The following PAX3 variants were observed in gnomAD, a reference collection of about 807,000 sequenced individuals.
PAX3 encodes paired box 3, also known as paired box protein Pax-3.
Under a neutral mutation model 51.6 loss-of-function variants are expected in PAX3, and 14 were observed. That is an observed-to-expected ratio of 0.27 (90% confidence interval 0.18 to 0.42). The LOEUF (loss-of-function observed/expected upper bound fraction) is 0.42. Among genes scored for constraint, PAX3 ranks in the 10% least tolerant of loss-of-function variants. The probability of loss-of-function intolerance (pLI) is 1.00; values close to 1 mark genes in which losing one functional copy is unlikely to be tolerated. For synonymous variants in PAX3, 280 were observed against 253.4 expected (o/e 1.11, Z -1.00); for missense variants, 540 against 642.8 (o/e 0.84, Z 1.73).
At chr2:222,225,442 T>G (rs778595444) in intron 5 of PAX3, among the ~76,000 whole-genome samples, 5 of 152,102 alleles carry the variant, frequency 3.3e-5, no homozygotes, top group African/African-American at 1.2e-4. Context: ...GAAAAGAAAT[T>G]TTCATACTTT....
At chr2:222,210,967 A>G (rs1408477575) in intron 7 of PAX3, among the ~76,000 whole-genome samples, 1 of 152,142 alleles carries the variant, frequency 6.6e-6, no homozygotes, top group Non-Finnish European at 1.5e-5. Context: ...CCTGGGCTTA[A>G]GCTGTCCTCT....
chr2:222,212,644 C>T (rs1691788515), intron 7 of PAX3, among the ~76,000 whole-genome samples: 1 of 151,886 alleles, frequency 6.6e-6, no homozygotes. Flanking sequence ...CACACACACA[C>T]ACACACACAC....
chr2:222,295,448 G>T, intron 3 of PAX3, 80 bp downstream of exon 3: 1 of 1,506,134 alleles, frequency 6.6e-7, no homozygotes, highest in Non-Finnish European at 9.2e-7. Flanking sequence ...CGATAATTGG[G>T]GTGATTACGT....
intron 4 of PAX3, among the ~76,000 whole-genome samples, chr2:222,251,999 A>G (rs1693452634): frequency 6.6e-6 from 1 of 152,220 alleles, no homozygotes. Flanking sequence ...GTAACAGACT[A>G]TTCCAAAGGT....
intron 3 of PAX3, among the ~76,000 whole-genome samples, chr2:222,295,154 A>G (rs577114554): frequency 1.3e-5 from 2 of 152,254 alleles, no homozygotes; most frequent in South Asian, 2.1e-4. Context: ...CGCACACGGC[A>G]AAGTCCCTCC....
At chr2:222,296,847 T>C in intron 2 of PAX3, 131 bp downstream of exon 2, 1 of 783,122 alleles carries the variant, frequency 1.3e-6, no homozygotes, top group Non-Finnish European at 2.2e-6. Flanking sequence ...CGCGCGCCTT[T>C]ACGCACCTTC....
At chr2:222,277,718 G>T (rs113511835) in intron 4 of PAX3, among the ~76,000 whole-genome samples, 1 of 151,950 alleles carries the variant, frequency 6.6e-6, no homozygotes, top group East Asian at 1.9e-4. Context: ...GGCGGATCAC[G>T]AGGTCAAGAG....
chr2:222,293,548 C>A, intron 4 of PAX3: 3 of 1,400,832 alleles, frequency 2.1e-6, no homozygotes, highest in Non-Finnish European at 9.9e-7. Context: ...AATTTGTAAC[C>A]CAGAGCTTGG....
chr2:222,283,389 G>A (rs1341175447), intron 4 of PAX3, among the ~76,000 whole-genome samples: 1 of 152,194 alleles, frequency 6.6e-6, no homozygotes, highest in Non-Finnish European at 1.5e-5. Flanking sequence ...TGGAAAAATG[G>A]TCAAGATACT....
chr2:222,287,165 C>T (rs942861158), intron 4 of PAX3, among the ~76,000 whole-genome samples: 4 of 152,252 alleles, frequency 2.6e-5, no homozygotes, highest in East Asian at 1.9e-4. Flanking sequence ...CTTGCTCTAC[C>T]GAAGACTGGT....
At chr2:222,265,708 G>T (rs1694034362) in intron 4 of PAX3, among the ~76,000 whole-genome samples, 1 of 113,420 alleles carries the variant, frequency 8.8e-6, no homozygotes. Context: ...GATTGATTTT[G>T]ATTTTTCCTC....
chr2:222,227,722 TC>T (rs1346358848), intron 5 of PAX3, among the ~76,000 whole-genome samples: 2 of 144,616 alleles, frequency 1.4e-5, no homozygotes, highest in African/African-American at 5.3e-5. Flanking sequence ...AGGCAAATCA[TC>T]TTTTTTAAAA....
intron 5 of PAX3, 33 bp downstream of exon 5, chr2:222,232,045 T>A: frequency 6.3e-7 from 1 of 1,596,992 alleles, no homozygotes; most frequent in Non-Finnish European, 8.6e-7. Context: ...CTGTCTGGAC[T>A]GAAGTAGGAC....
At chr2:222,244,503 A>T (rs1322081068) in intron 4 of PAX3, among the ~76,000 whole-genome samples, 1 of 152,134 alleles carries the variant, frequency 6.6e-6, no homozygotes, top group African/African-American at 2.4e-5. Context: ...TCCTCAGCAA[A>T]TGTTATCCCC....
At chr2:222,208,790 C>G (rs932453545) in intron 7 of PAX3, among the ~76,000 whole-genome samples, 2 of 152,106 alleles carry the variant, frequency 1.3e-5, no homozygotes, top group Non-Finnish European at 2.9e-5. Flanking sequence ...TTACTTGACC[C>G]TTTGAGACTT....
At chr2:222,215,569 G>T (rs534307579) in intron 7 of PAX3, among the ~76,000 whole-genome samples, 2 of 151,962 alleles carry the variant, frequency 1.3e-5, no homozygotes, top group Admixed American at 6.6e-5. Flanking sequence ...GTGTGTCTTG[G>T]GGGTAGGGGA....
intron 4 of PAX3, 119 bp downstream of exon 4, chr2:222,294,048 C>T (rs1695150827): frequency 1.1e-5 from 17 of 1,568,992 alleles, no homozygotes; most frequent in Non-Finnish European, 1.4e-5. Context: ...CGCAGAGACA[C>T]CGCGCATGAA....
At chr2:222,272,468 T>C (rs774837810) in intron 4 of PAX3, among the ~76,000 whole-genome samples, 10 of 152,236 alleles carry the variant, frequency 6.6e-5, no homozygotes, top group Non-Finnish European at 1.3e-4. Flanking sequence ...GGGAAGACTT[T>C]GTTTTCAAAG....
chr2:222,270,180 T>A (rs1694200293), intron 4 of PAX3, among the ~76,000 whole-genome samples: 1 of 152,202 alleles, frequency 6.6e-6, no homozygotes, highest in Non-Finnish European at 1.5e-5. Flanking sequence ...CCCCTCTTCA[T>A]CATTCTCCTT....
Sources: gnomAD v4.1 joint callset for allele counts (sites outside exome capture counted in the v4.1 genomes callset) on GRCh38, gnomAD v4.1.1 for gene constraint, MANE v1.5 for transcripts, NCBI Gene and HGNC (gene_info 2026-07-23, HGNC 2026-07-21) for gene names.